The following MYO3B variants were observed in gnomAD, a reference collection of about 807,000 sequenced individuals.
MYO3B encodes the protein myosin IIIB.
MYO3B carries 156 observed loss-of-function variants against 174.6 expected under a neutral mutation model. That is an observed-to-expected ratio of 0.89 (90% CI 0.78 to 1.02). The LOEUF is 1.02. Among genes scored for constraint, MYO3B ranks in the 50% least tolerant of loss-of-function variants. The pLI, the probability that MYO3B is intolerant of heterozygous loss-of-function variation, is 0.00. For synonymous variants in MYO3B, 563 were observed against 569.1 expected, an observed-to-expected ratio of 0.99 and a Z score of 0.15; for missense variants, 1,632 against 1,639.4, an observed-to-expected ratio of 1.00 and a Z score of 0.08.
At chr2:170,363,476 T>C (rs2094176471) in intron 8 of MYO3B, among the ~76,000 whole-genome samples, 1 of 152,186 alleles carries the variant, frequency 6.6e-6, no homozygotes, top group Admixed American at 6.5e-5. Flanking sequence ...ACGACAGCAT[T>C]ATTGTCTTGG....
At chr2:170,493,511 T>C (rs368037694) in intron 25 of MYO3B, among the ~76,000 whole-genome samples, 10 of 152,260 alleles carry the variant, frequency 6.6e-5, no homozygotes, top group African/African-American at 1.9e-4. Flanking sequence ...TTTGTTATCA[T>C]TACTAGATAG....
In MYO3B at chr2:170,551,563, A is replaced by G. The variant is rs930518875; in HGVS notation, c.3733+7575A>G. 2.0e-5 allele frequency among the ~76,000 whole-genome samples: 3 copies of G among 148,542 alleles called. No homozygotes were observed. In the East Asian group the frequency reaches 5.8e-4, roughly 29 times the overall value. ...CAAAAAAAAAAAAAAAAAAAAAAAA[A>G]AAAATCTAGGCAAGGCCAACATAAG... is the stretch of plus-strand genomic sequence containing the variant. On this transcript the variant is annotated intron_variant, in intron 32 of 34. Coordinates refer to ENST00000408978, the MANE Select transcript of MYO3B (RefSeq NM_138995.5).
intron 32 of MYO3B, among the ~76,000 whole-genome samples, chr2:170,582,172 A>T (rs1200906869): frequency 6.6e-6 from 1 of 152,260 alleles, no homozygotes; most frequent in Non-Finnish European, 1.5e-5. Context: ...ATCAGATTAA[A>T]GTTCATGATG....
At chr2:170,624,283 C>T (rs1696200194) in intron 32 of MYO3B, among the ~76,000 whole-genome samples, 1 of 152,102 alleles carries the variant, frequency 6.6e-6, no homozygotes, top group Non-Finnish European at 1.5e-5. Flanking sequence ...TGAAGAGATC[C>T]TTCACATCCC....
At chr2:170,253,523 G>C (rs2093275387) in intron 7 of MYO3B, among the ~76,000 whole-genome samples, 1 of 152,268 alleles carries the variant, frequency 6.6e-6, no homozygotes, top group South Asian at 2.1e-4. Context: ...GTTCAGTGGA[G>C]ACACCTAGAC....
chr2:170,178,393 G>C, intron 1 of MYO3B, 104 bp downstream of exon 1: 1 of 1,417,812 alleles, frequency 7.1e-7, no homozygotes. Flanking sequence ...CAGTGGAGGG[G>C]GATGACAGCC....
At chr2:170,385,219 C>A (rs139006348) in intron 12 of MYO3B, among the ~76,000 whole-genome samples, 3 of 152,242 alleles carry the variant, frequency 2.0e-5, no homozygotes, top group Admixed American at 6.5e-5. Flanking sequence ...CTCTGAATCT[C>A]CTTGTTCAAG....
At chr2:170,355,523 G>C (rs1264298290) in intron 8 of MYO3B, among the ~76,000 whole-genome samples, 1 of 152,152 alleles carries the variant, frequency 6.6e-6, no homozygotes, top group African/African-American at 2.4e-5. Flanking sequence ...TGACATTTTA[G>C]CTGGAGTAAT....
At chr2:170,583,569 A>G (rs1559136049) in intron 32 of MYO3B, among the ~76,000 whole-genome samples, 1 of 152,184 alleles carries the variant, frequency 6.6e-6, no homozygotes. Context: ...TCTGTGGAAA[A>G]ATTAAGATGG....
intron 30 of MYO3B, among the ~76,000 whole-genome samples, chr2:170,536,434 T>G (rs976875229): frequency 1.3e-5 from 2 of 152,270 alleles, no homozygotes. Context: ...TAGGGTGGGA[T>G]GCAGTGCATG....
intron 32 of MYO3B, among the ~76,000 whole-genome samples, chr2:170,569,047 G>T (rs1457579883): frequency 6.6e-6 from 1 of 152,058 alleles, no homozygotes; most frequent in Non-Finnish European, 1.5e-5. Flanking sequence ...GGTGGGTAGG[G>T]GGAGAGAAAA....
At chr2:170,405,375 G>T (rs2094503372) in intron 20 of MYO3B, among the ~76,000 whole-genome samples, 170 bp from the exon 21 acceptor site, 1 of 152,152 alleles carries the variant, frequency 6.6e-6, no homozygotes, top group Non-Finnish European at 1.5e-5. Context: ...ACTAAGCAAG[G>T]ATATAATGAT....
intron 8 of MYO3B, among the ~76,000 whole-genome samples, chr2:170,356,610 C>T (rs1374063239): frequency 6.6e-6 from 1 of 152,024 alleles, no homozygotes; most frequent in Non-Finnish European, 1.5e-5. Flanking sequence ...GATCCACCCA[C>T]CTCAGCCTCC....
At chr2:170,422,131 A>G (rs2094620428) in intron 22 of MYO3B, among the ~76,000 whole-genome samples, 1 of 152,188 alleles carries the variant, frequency 6.6e-6, no homozygotes, top group South Asian at 2.1e-4. Flanking sequence ...ATTAGATGGG[A>G]CCTTAAAATT....
intron 28 of MYO3B, among the ~76,000 whole-genome samples, chr2:170,513,987 G>C (rs1341923037): frequency 6.6e-6 from 1 of 152,218 alleles, no homozygotes; most frequent in Non-Finnish European, 1.5e-5. Context: ...AATAGAAATT[G>C]CCAAAGCCAG....
At chr2:170,255,028 A>G (rs944199116) in intron 7 of MYO3B, among the ~76,000 whole-genome samples, 3 of 152,208 alleles carry the variant, frequency 2.0e-5, no homozygotes, top group Non-Finnish European at 4.4e-5. Flanking sequence ...GCCCCAGGCC[A>G]CAGGTGCCAC....
chr2:170,295,253 G>A (rs763719611), intron 7 of MYO3B, among the ~76,000 whole-genome samples: 3 of 151,316 alleles, frequency 2.0e-5, no homozygotes, highest in Non-Finnish European at 4.4e-5. Context: ...AGTTTATTCT[G>A]TTTATACTCA....
rs994049302 is a variant in MYO3B, at chr2:170,401,479, A to G, written c.1919-2A>G. ...CTGTGTTATCCTTACTCTTTGTTTC[A>G]GCTGCCTCTGTTCTGTGCATTAGCC... is the stretch of plus-strand genomic sequence containing the variant. On this transcript the variant is annotated splice_acceptor_variant, in intron 17 of 34. Transcript: ENST00000408978. LOFTEE classifies it high-confidence loss of function. 1 of 1,613,838 alleles carries G rather than the reference A, an allele frequency of 6.2e-7. No homozygotes were observed. Among genetic ancestry groups the G allele is most frequent in the African/African-American group, 1.3e-5 (1 of 74,908 alleles).
At chr2:170,605,359 C>G (rs73978737) in intron 32 of MYO3B, among the ~76,000 whole-genome samples, 4,955 of 152,216 alleles carry the variant, frequency 0.033, 294 homozygotes, top group African/African-American at 0.11. Context: ...CCTGAAATTC[C>G]AGTGATGTGT....
Sources: allele counts gnomAD v4.1 joint callset (sites outside exome capture counted in the v4.1 genomes callset), GRCh38; gene constraint gnomAD v4.1.1; transcripts MANE v1.5; gene names NCBI Gene and HGNC (gene_info 2026-07-23, HGNC 2026-07-21).